PTPRM: variants seen among roughly 807,000 people sequenced by gnomAD.
The protein encoded by PTPRM is protein tyrosine phosphatase receptor type M.
PTPRM carries 47 observed loss-of-function variants against 186.7 expected under a neutral mutation model. The ratio of observed to expected loss-of-function variants is 0.25; its 90% CI spans 0.20 to 0.32. The LOEUF (loss-of-function observed/expected upper bound fraction) is 0.32, where lower values mean the gene tolerates loss of function less well. Among genes scored for constraint, PTPRM ranks in the 10% least tolerant of loss-of-function variants. The pLI is 1.00. For missense variants in PTPRM, 1,494 were observed against 1,865.0 expected (o/e 0.80, Z 3.66); for synonymous variants, 668 against 674.9 (o/e 0.99, Z 0.16).
rs2143291122 is a variant in PTPRM at position 7,568,634 on chromosome 18, C to A, written c.73+743C>A. ...CCTAGCGGAGCGCCGCGGCCAGCTG[C>A]AACTTGTTCATCCAGCCCGGCTGCC... is the stretch of plus-strand genomic sequence containing the variant. On this transcript the variant is annotated intron_variant, in intron 1 of 32. Transcript: ENST00000580170. This position sits in a 1 kb window ranked among gnomAD's most constrained non-coding sequence, Gnocchi z 5.1. 6.6e-6 allele frequency among the ~76,000 whole-genome samples: 1 copy of A among 152,340 alleles called. No individual in the cohort carries two copies. The highest frequency in any genetic ancestry group is 1.9e-4 in the East Asian group (1 of 5,164).
chr18:7,583,602 A>G (rs1450469056), intron 1 of PTPRM, among the ~76,000 whole-genome samples: 3 of 152,240 alleles, frequency 2.0e-5, no homozygotes, highest in African/African-American at 7.2e-5. Flanking sequence ...AGCCCTCTGA[A>G]ATAGTAAATT....
chr18:7,710,986 C>G (rs2040199767), intron 1 of PTPRM, among the ~76,000 whole-genome samples: 1 of 152,140 alleles, frequency 6.6e-6, no homozygotes, highest in African/African-American at 2.4e-5. Flanking sequence ...AAGCAAGCTA[C>G]AGAGTCAACT....
chr18:7,660,266 G>T (rs1304691595), intron 1 of PTPRM, among the ~76,000 whole-genome samples: 2 of 151,964 alleles, frequency 1.3e-5, no homozygotes, highest in Admixed American at 1.3e-4. Context: ...AACCTTGGAG[G>T]CTGAGGTTAC....
chr18:7,993,345 A>G (rs992532030), intron 7 of PTPRM, among the ~76,000 whole-genome samples: 7 of 152,202 alleles, frequency 4.6e-5, no homozygotes, highest in Middle Eastern at 6.8e-3. Context: ...AAATCTTAAA[A>G]GAGATATAGA....
At chr18:8,020,346 G>A (rs1405261502) in intron 7 of PTPRM, among the ~76,000 whole-genome samples, 2 of 152,112 alleles carry the variant, frequency 1.3e-5, no homozygotes, top group African/African-American at 4.8e-5. Flanking sequence ...AGGAGAGAGA[G>A]TCCAGGCACA....
chr18:7,910,568 C>T (rs1024207067), intron 4 of PTPRM, among the ~76,000 whole-genome samples: 4 of 152,080 alleles, frequency 2.6e-5, no homozygotes, highest in African/African-American at 9.7e-5. Context: ...TCTGATTGGT[C>T]GTGGGAGGGG....
At chr18:8,361,281 A>G (rs2095595715) in intron 23 of PTPRM, among the ~76,000 whole-genome samples, 1 of 152,152 alleles carries the variant, frequency 6.6e-6, no homozygotes, top group South Asian at 2.1e-4. Flanking sequence ...AAAGCTTGTT[A>G]TCTTCCTAAT....
At chr18:7,673,341 T>G (rs1359475452) in intron 1 of PTPRM, among the ~76,000 whole-genome samples, 1 of 152,226 alleles carries the variant, frequency 6.6e-6, no homozygotes, top group Admixed American at 6.5e-5. Flanking sequence ...ATCTTAGTAT[T>G]TTGTGGCCTT....
At chr18:7,969,557 C>G (rs1409140149) in intron 7 of PTPRM, among the ~76,000 whole-genome samples, 11 of 148,808 alleles carry the variant, frequency 7.4e-5, no homozygotes, top group Admixed American at 2.0e-4. Flanking sequence ...TGATAGACCG[C>G]TAGCAAGACT....
intron 13 of PTPRM, among the ~76,000 whole-genome samples, chr18:8,116,083 G>T (rs566869559): frequency 6.6e-6 from 1 of 152,174 alleles, no homozygotes; most frequent in Non-Finnish European, 1.5e-5. Context: ...AGCTGCTTAT[G>T]TGTTTCATAA....
At chr18:8,402,174 A>G (rs1337563366) in intron 32 of PTPRM, among the ~76,000 whole-genome samples, 2 of 152,228 alleles carry the variant, frequency 1.3e-5, no homozygotes, top group Non-Finnish European at 2.9e-5. Context: ...TCAGTTTCCA[A>G]TGTAGGAAGA....
chr18:8,296,386 T>G lies in PTPRM; in HGVS notation c.2773T>G (p.Ser925Ala). ...EEYESFFEGQ[S>A]APWDSAKKDE... ...CTTCTAGAGCTTCTTTGAAGGGCAG[T>G]CTGCACCATGGGACTCGGCTAAGAA... is the stretch of plus-strand genomic sequence containing the variant. Residue 925 changes from serine to alanine, a missense_variant, in exon 20 of 33, where the codon TCT (serine) becomes GCT (alanine). Physicochemically the swap from Ser to Ala is moderately conservative, Grantham distance 99 (BLOSUM62 1). Around this residue, in one of 3 missense-constraint regions of PTPRM, gnomAD observed 1,107 missense variants for 1,350.2 expected, o/e 0.82. Transcript: ENST00000580170. 1 of 1,609,954 alleles carries G rather than the reference T, an allele frequency of 6.2e-7. No individual in the cohort carries two copies. Among genetic ancestry groups the G allele is most frequent in the Non-Finnish European group, 8.5e-7 (1 of 1,176,270 alleles).
At chr18:8,085,532 G>A in intron 9 of PTPRM, 139 bp from the exon 10 acceptor site, 1 of 726,788 alleles carries the variant, frequency 1.4e-6, no homozygotes, top group Admixed American at 2.6e-5. Context: ...CCCTTCAGTG[G>A]ATTCAGGATT....
At chr18:8,095,109 A>G (rs971313011) in intron 11 of PTPRM, among the ~76,000 whole-genome samples, 1 of 152,104 alleles carries the variant, frequency 6.6e-6, no homozygotes, top group African/African-American at 2.4e-5. Flanking sequence ...GGAGGCTGCT[A>G]AGGGCTCTCT....
chr18:7,688,938 G>A (rs1171815152), intron 1 of PTPRM, among the ~76,000 whole-genome samples: 2 of 152,100 alleles, frequency 1.3e-5, no homozygotes, highest in African/African-American at 4.8e-5. Flanking sequence ...GACTGTGAGG[G>A]AGGTTTCAGC....
intron 14 of PTPRM, among the ~76,000 whole-genome samples, chr18:8,240,661 GAAAGAA>G (rs1431227894): frequency 1.6e-4 from 6 of 37,332 alleles, no homozygotes; most frequent in South Asian, 5.6e-4. Flanking sequence ...GAGAAAGAAA[GAAAGAA>G]AGAAAGAAAG....
chr18:8,029,839 A>C (rs142978895), intron 7 of PTPRM, among the ~76,000 whole-genome samples: 264 of 152,252 alleles, frequency 1.7e-3, no homozygotes, highest in African/African-American at 6.1e-3. Context: ...CCCAATGTCC[A>C]CAGGATGAGA....
chr18:8,214,982 C>T (rs187580233), intron 14 of PTPRM, among the ~76,000 whole-genome samples: 34 of 152,144 alleles, frequency 2.2e-4, no homozygotes, highest in African/African-American at 8.2e-4. Context: ...ATCCACTTTT[C>T]CATAGGACTA....
At chr18:7,575,727 AACATCTTTAGG>A (rs2036671904) in intron 1 of PTPRM, among the ~76,000 whole-genome samples, 1 of 152,140 alleles carries the variant, frequency 6.6e-6, no homozygotes, top group South Asian at 2.1e-4. Context: ...GTAGGTGTGT[AACATCTTTAGG>A]ACATGGCTTG....
Sources: gnomAD v4.1 joint callset for allele counts (sites outside exome capture counted in the v4.1 genomes callset) on GRCh38, gnomAD v4.1.1 for gene constraint, gnomAD v4.1.1 regional missense constraint, Gnocchi (gnomAD v3.1) non-coding constraint, MANE v1.5 for transcripts, NCBI Gene and HGNC (gene_info 2026-07-23, HGNC 2026-07-21) for gene names.